PPFIA4: variants seen among roughly 807,000 people sequenced by gnomAD.
PPFIA4 encodes PPFI scaffold protein A4.
PPFIA4 carries 98 observed loss-of-function variants against 145.7 expected under a neutral mutation model. The ratio of observed to expected loss-of-function variants is 0.67; its 90% confidence interval spans 0.57 to 0.80. The LOEUF (loss-of-function observed/expected upper bound fraction) is 0.80, where lower values mean the gene tolerates loss of function less well. Among genes scored for constraint, PPFIA4 ranks in the 30% least tolerant of loss-of-function variants. The probability of loss-of-function intolerance (pLI) is 0.00; values close to 1 mark genes in which losing one functional copy is unlikely to be tolerated. For synonymous variants in PPFIA4, 628 were observed against 649.6 expected (o/e 0.97, Z 0.51); for missense variants, 1,457 against 1,632.7 (o/e 0.89, Z 1.85).
intron 1 of PPFIA4, among the ~76,000 whole-genome samples, chr1:203,029,866 A>G (rs2102601572): frequency 6.6e-6 from 1 of 152,376 alleles, no homozygotes; most frequent in Admixed American, 6.5e-5. Flanking sequence ...TATATTATGT[A>G]AATAGATACT....
chr1:203,054,203 G>A, intron 15 of PPFIA4: 1 of 674,614 alleles, frequency 1.5e-6, no homozygotes, highest in Non-Finnish European at 2.7e-6. Flanking sequence ...GGCTCAGGAG[G>A]ATGCATGCTG....
Position 203,044,690 on chromosome 1 carries a change from C to T in PPFIA4, c.577-6C>T, listed in dbSNP as rs1415443125. ...GACTCATTGCCCTGGGGCTTGTGCC[C>T]TACAGGTGTCTGCCCTGCAGCAGGG... is the stretch of plus-strand genomic sequence containing the variant. On this transcript the variant is annotated splice_region_variant and splice_polypyrimidine_tract_variant and intron_variant, in intron 5 of 29. Coordinates refer to ENST00000295706, the MANE Select transcript of PPFIA4 (RefSeq NM_001304331.2). 1 of 1,550,964 alleles carries T rather than the reference C, an allele frequency of 6.4e-7. No individual in the cohort carries two copies. The highest frequency in any genetic ancestry group is 8.7e-7 in the Non-Finnish European group (1 of 1,147,424).
rs921384848 is a variant in PPFIA4, at chr1:203,076,150, C to T, written c.3575-191C>T. 10 of 654,052 alleles carry T rather than the reference C, an allele frequency of 1.5e-5. No individual in the cohort carries two copies. The Admixed American group carries it at 2.0e-4, about 13-fold the overall frequency. The allele number at this position is 654,052 out of a possible 1,614,324, so 40.5% of individuals were successfully genotyped here. ...GCCCCACGCACCTGCCCTTGGCTGCCGGCCTGGCCCTGCCGCTCCAGTCCC... is the reference window on the plus strand; with the variant it reads ...GCCCCACGCACCTGCCCTTGGCTGCTGGCCTGGCCCTGCCGCTCCAGTCCC... On this transcript the variant is annotated intron_variant, in intron 29 of 29. Transcript: ENST00000295706.
At chr1:203,029,043 A>G (rs1486112781) in intron 1 of PPFIA4, among the ~76,000 whole-genome samples, 1 of 152,080 alleles carries the variant, frequency 6.6e-6, no homozygotes, top group Non-Finnish European at 1.5e-5. Flanking sequence ...GCCTGAGGCA[A>G]CTGAGAATGT....
Position 203,068,624 on chromosome 1 carries a change from C to A in PPFIA4, c.3320C>A (p.Thr1107Asn). The A allele has an allele frequency of 6.6e-7, 1 of 1,519,638 alleles. No homozygotes were observed. Among genetic ancestry groups the A allele is most frequent in the South Asian group, 1.3e-5 (1 of 77,196 alleles). The allele number at this position is 1,519,638 out of a possible 1,614,324, so 94.1% of individuals were successfully genotyped here. Residue 1107 changes from threonine (T) to asparagine (N), a missense_variant, in exon 27 of 30, where the codon ACC becomes AAC. By Grantham distance (65) the Thr-to-Asn change is moderately conservative. This residue lies in a region of PPFIA4 where 848 missense variants were observed against 1,046.7 expected (regional missense o/e 0.81). Transcript: ENST00000295706. This position sits in a 1 kb window ranked among gnomAD's most constrained non-coding sequence, Gnocchi z 4.7. ...ATCCTCCAGATCCCCACACAGAACA[C>A]CCAGGTGGGCAGCCTTTTAATCAGT... Reference protein sequence around the residue: ...ALILQIPTQNTQARQVMEREF... With the variant: ...ALILQIPTQNNQARQVMEREF...
At chr1:203,028,681 T>C (rs887735760) in intron 1 of PPFIA4, among the ~76,000 whole-genome samples, 3 of 151,710 alleles carry the variant, frequency 2.0e-5, no homozygotes, top group African/African-American at 7.3e-5. Flanking sequence ...GTGTGTGTGC[T>C]TGTGCATGTG....
In PPFIA4 at chr1:203,060,853, G is replaced by A. The variant is rs1661310675; in HGVS notation, c.2785-117G>A. 5 of 874,824 alleles carry A rather than the reference G, an allele frequency of 5.7e-6. No homozygotes were observed. The highest frequency in any genetic ancestry group is 9.4e-6 in the Non-Finnish European group (5 of 530,664). The allele number at this position is 874,824 out of a possible 1,614,324, so 54.2% of individuals were successfully genotyped here. On this transcript the variant is annotated intron_variant, in intron 22 of 29. Coordinates refer to ENST00000295706, the MANE Select transcript of PPFIA4 (RefSeq NM_001304331.2). The surrounding 1 kb of genome is among the most constrained non-coding windows in gnomAD (Gnocchi z 4.8). ...TCGGCCATCTCCATGATTGAGACCA[G>A]CCCCCATTTCAGAGGACTCAGGGAG... is the stretch of plus-strand genomic sequence containing the variant.
intron 14 of PPFIA4, among the ~76,000 whole-genome samples, chr1:203,052,254 G>T (rs983812213): frequency 6.6e-6 from 1 of 152,166 alleles, no homozygotes; most frequent in Admixed American, 6.5e-5. Context: ...GGTTCATGGC[G>T]GAGACGAGGG....
At chr1:203,064,776 A>G (rs78350977) in intron 25 of PPFIA4, among the ~76,000 whole-genome samples, 2,197 of 152,334 alleles carry the variant, frequency 0.014, 25 homozygotes, top group Non-Finnish European at 0.021. Flanking sequence ...TCCACTCAGG[A>G]TGGGTGGGCC....
chr1:203,039,275 C>G (rs1381608821), intron 2 of PPFIA4, 33 bp downstream of exon 2: 12 of 1,480,584 alleles, frequency 8.1e-6, no homozygotes, highest in Non-Finnish European at 1.1e-5. Flanking sequence ...TCTCTTAACC[C>G]CTTTCCCTCC....
Position 203,075,572 on chromosome 1 carries a change from T to C in PPFIA4, c.3394-5T>C, listed in dbSNP as rs2102702672. On this transcript the variant is annotated splice_polypyrimidine_tract_variant and splice_region_variant and intron_variant, in intron 28 of 29. Transcript: ENST00000295706. This position sits in a 1 kb window ranked among gnomAD's most constrained non-coding sequence, Gnocchi z 4.1. ...CTCGGGCCTCTGGTGTCCCCCATGG[T>C]GCAGGGGGATGACAAGGTGTTTCGC... The C allele has an allele frequency of 6.9e-7, 1 of 1,447,154 alleles. No homozygotes were observed. The highest frequency in any genetic ancestry group is 2.8e-5 in the East Asian group (1 of 36,252). The allele number at this position is 1,447,154 out of a possible 1,614,324, so 89.6% of individuals were successfully genotyped here.
At position 203,068,333 on chromosome 1, in the gene PPFIA4, G is replaced by T. The variant is rs1156620656; in HGVS notation, c.3149-120G>T. 1 of 836,454 alleles carries T rather than the reference G, an allele frequency of 1.2e-6. No individual in the cohort carries two copies. Among genetic ancestry groups the T allele is most frequent in the Middle Eastern group, 3.6e-4 (1 of 2,764 alleles). The allele number at this position is 836,454 out of a possible 1,614,324, so 51.8% of individuals were successfully genotyped here. ...AGATATGGAAATTTAGGGATGGAGT[G>T]GGGGTCAGAGAGCAGGGTGGACTGC... is the stretch of plus-strand genomic sequence containing the variant. On this transcript the variant is annotated intron_variant, in intron 26 of 29. Coordinates refer to ENST00000295706, the MANE Select transcript of PPFIA4 (RefSeq NM_001304331.2). The surrounding 1 kb of genome is among the most constrained non-coding windows in gnomAD (Gnocchi z 4.7).
chr1:203,057,926 G>A (rs370302526), intron 19 of PPFIA4, among the ~76,000 whole-genome samples: 39 of 152,250 alleles, frequency 2.6e-4, no homozygotes, highest in Middle Eastern at 3.4e-3. Context: ...TTGTGGGTGT[G>A]AGAGGTTGGT....
intron 26 of PPFIA4, 38 bp downstream of exon 26, chr1:203,067,830 C>CA: frequency 2.5e-6 from 4 of 1,589,834 alleles, no homozygotes; most frequent in Non-Finnish European, 3.5e-6. Context: ...CGGGAGCAGC[C>CA]TGCTTGGCTG....
rs1158823698 is a variant in PPFIA4, at chr1:203,068,878, C to A, written c.3324+250C>A. The stretch of plus-strand genomic sequence containing the variant: ...GGGCCTGGCACACAGTGTGCTCTTA[C>A]AATGCGCATCCCCGTCCTGCCCTGG... On this transcript the variant is annotated intron_variant, in intron 27 of 29. Coordinates refer to ENST00000295706, the MANE Select transcript of PPFIA4 (RefSeq NM_001304331.2). The surrounding 1 kb of genome is among the most constrained non-coding windows in gnomAD (Gnocchi z 4.7). 2.0e-5 allele frequency among the ~76,000 whole-genome samples: 3 copies of A among 152,310 alleles called. No homozygotes were observed. The highest frequency in any genetic ancestry group is 4.1e-4 in the South Asian group (2 of 4,828).
chr1:203,048,363 C>A lies in PPFIA4; in HGVS notation c.1224+53C>A. The stretch of plus-strand genomic sequence containing the variant: ...CCCCCTCCTTCCCGCAGGACAGGCT[C>A]CCAGGGCGGTCTGTGGAAGGGGCAC... On this transcript the variant is annotated intron_variant, in intron 10 of 29. Transcript: ENST00000295706. This position sits in a 1 kb window ranked among gnomAD's most constrained non-coding sequence, Gnocchi z 5.8. 2 of 1,581,910 alleles carry A rather than the reference C, an allele frequency of 1.3e-6. No individual in the cohort carries two copies. Among genetic ancestry groups the A allele is most frequent in the Non-Finnish European group, 8.6e-7 (1 of 1,161,250 alleles).
At position 203,076,375 on chromosome 1, in the gene PPFIA4, C is replaced by G; in HGVS notation, c.3609C>G (p.Ser1203=). Residue 1203 remains serine, a synonymous_variant, in exon 30 of 30, where the codon TCC becomes TCG. Transcript: ENST00000295706. ...ACTATCTCTACGGACACATGCTCTCCGCCTTCCGGGACTAGCCATGGCCCC... is the reference window on the plus strand; with the variant it reads ...ACTATCTCTACGGACACATGCTCTCGGCCTTCCGGGACTAGCCATGGCCCC... ...HSHYLYGHML[S]AFRD The G allele has an allele frequency of 6.2e-7, 1 of 1,608,348 alleles. No individual in the cohort carries two copies. Among genetic ancestry groups the G allele is most frequent in the Non-Finnish European group, 8.5e-7 (1 of 1,179,844 alleles).
Position 203,076,831 on chromosome 1 carries a change from G to GC in PPFIA4, c.*441_*442insC. 1 of 186,616 alleles carries GC rather than the reference G, an allele frequency of 5.4e-6. No homozygotes were observed. Among genetic ancestry groups the GC allele is most frequent in the East Asian group, 1.5e-4 (1 of 6,644 alleles). 11.6% of individuals were successfully genotyped at this position (186,616 alleles called of 1,614,324 possible). On this transcript the variant is annotated 3_prime_UTR_variant, in exon 30 of 30. Transcript: ENST00000295706. ...CCTGCTTGGGCTATTCAATCTTAGG[G>GC]TGTCTATCCACGTCTGGCTGTGCCA...
intron 19 of PPFIA4, among the ~76,000 whole-genome samples, chr1:203,057,259 G>C (rs1222866975): frequency 6.6e-6 from 1 of 152,188 alleles, no homozygotes; most frequent in Non-Finnish European, 1.5e-5. Flanking sequence ...CTTTGAATTT[G>C]GAGATTTTCT....
Sources: gnomAD v4.1 joint callset for allele counts (sites outside exome capture counted in the v4.1 genomes callset) on GRCh38, gnomAD v4.1.1 for gene constraint, gnomAD v4.1.1 regional missense constraint, Gnocchi (gnomAD v3.1) non-coding constraint, MANE v1.5 for transcripts, NCBI Gene and HGNC (gene_info 2026-07-23, HGNC 2026-07-21) for gene names.